Variants in PEX5L observed in about 807,000 individuals in gnomAD.
PEX5L encodes the protein PEX5-related protein.
PEX5L carries 30 observed loss-of-function variants against 84.0 expected under a neutral mutation model. The ratio of observed to expected loss-of-function variants is 0.36; its 90% CI spans 0.27 to 0.48. The LOEUF is 0.48. Ranked by LOEUF, PEX5L falls within the 20% of genes least tolerant of loss-of-function variation. The pLI is 0.99. For missense variants in PEX5L, 533 were observed against 754.6 expected, an observed-to-expected ratio of 0.71 and a Z score of 3.44; for synonymous variants, 270 against 283.1, an observed-to-expected ratio of 0.95 and a Z score of 0.46.
chr3:179,902,753 C>A, intron 2 of PEX5L: 1 of 422,918 alleles, frequency 2.4e-6, no homozygotes, highest in Non-Finnish European at 4.7e-6. Flanking sequence ...GATTCTATTA[C>A]TGCTACCAAG....
intron 1 of PEX5L, among the ~76,000 whole-genome samples, chr3:180,026,031 T>C (rs775214096): frequency 2.6e-5 from 4 of 152,116 alleles, no homozygotes; most frequent in Non-Finnish European, 5.9e-5. Context: ...GGGGCTGTTA[T>C]GCTGGAGCAG....
intron 5 of PEX5L, among the ~76,000 whole-genome samples, chr3:179,879,706 T>G (rs1753583467): frequency 6.6e-6 from 1 of 152,160 alleles, no homozygotes; most frequent in South Asian, 2.1e-4. Context: ...AACTCAATAT[T>G]TGTGGGTCGA....
intron 1 of PEX5L, among the ~76,000 whole-genome samples, chr3:180,006,290 T>C (rs1236259288): frequency 1.3e-5 from 2 of 152,198 alleles, no homozygotes; most frequent in Non-Finnish European, 2.9e-5. Flanking sequence ...TTCTTTATTA[T>C]TATTTTTTTT....
At chr3:179,835,529 A>G (rs1034355720) in intron 8 of PEX5L, among the ~76,000 whole-genome samples, 1 of 152,164 alleles carries the variant, frequency 6.6e-6, no homozygotes, top group Non-Finnish European at 1.5e-5. Flanking sequence ...TTTCTCTGGG[A>G]GGCAGAGCTT....
At chr3:179,963,135 C>G (rs1782479944) in intron 2 of PEX5L, among the ~76,000 whole-genome samples, 1 of 152,120 alleles carries the variant, frequency 6.6e-6, no homozygotes, top group Non-Finnish European at 1.5e-5. Context: ...TAACTGAGCC[C>G]TGTGAGTTAG....
chr3:179,984,683 A>T (rs1054491502), intron 1 of PEX5L, among the ~76,000 whole-genome samples: 1 of 152,186 alleles, frequency 6.6e-6, no homozygotes, highest in Non-Finnish European at 1.5e-5. Flanking sequence ...TTATAAAGTC[A>T]ATTTGTCTTT....
chr3:180,009,166 TGAGA>T (rs1182685890), intron 1 of PEX5L, among the ~76,000 whole-genome samples: 1 of 152,214 alleles, frequency 6.6e-6, no homozygotes, highest in African/African-American at 2.4e-5. Context: ...GTTACAAAAT[TGAGA>T]GAGTCTGCAT....
intron 8 of PEX5L, among the ~76,000 whole-genome samples, chr3:179,844,670 T>C (rs1044539968): frequency 1.3e-4 from 20 of 151,790 alleles, no homozygotes; most frequent in Non-Finnish European, 2.5e-4. Context: ...CTACTAAAAA[T>C]ACAAAAAAAA....
At chr3:179,886,954 A>G (rs1158189205) in intron 4 of PEX5L, among the ~76,000 whole-genome samples, 1 of 152,178 alleles carries the variant, frequency 6.6e-6, no homozygotes, top group Non-Finnish European at 1.5e-5. Context: ...TTCTTATTTG[A>G]ATGACATGAC....
intron 1 of PEX5L, among the ~76,000 whole-genome samples, chr3:180,029,395 ATAAATAAAACTATGTATTTATTTATTTG>A (rs1317062097): frequency 1.3e-5 from 2 of 152,164 alleles, no homozygotes; most frequent in East Asian, 1.9e-4. Context: ...TAAATTAGAA[ATAAATAAAACTATGTATTTATTTATTTG>A]TAAATAAAAC....
intron 5 of PEX5L, among the ~76,000 whole-genome samples, chr3:179,875,885 G>A (rs1405493122): frequency 6.6e-6 from 1 of 152,154 alleles, no homozygotes; most frequent in Non-Finnish European, 1.5e-5. Flanking sequence ...TGGGGGCTTG[G>A]GGGCTTTGCT....
chr3:180,022,116 A>T (rs1308666540), intron 1 of PEX5L, among the ~76,000 whole-genome samples: 3 of 152,212 alleles, frequency 2.0e-5, no homozygotes, highest in Non-Finnish European at 4.4e-5. Flanking sequence ...GAAAGAAAAC[A>T]TGATTTTTAT....
At chr3:179,806,113 T>G (rs1286582255) in intron 14 of PEX5L, among the ~76,000 whole-genome samples, 1 of 151,402 alleles carries the variant, frequency 6.6e-6, no homozygotes, top group Non-Finnish European at 1.5e-5. Context: ...TTGTTTTACA[T>G]CTCCCTTGTT....
intron 14 of PEX5L, among the ~76,000 whole-genome samples, chr3:179,803,121 C>T (rs1207720357): frequency 1.3e-5 from 2 of 152,148 alleles, no homozygotes; most frequent in Admixed American, 1.3e-4. Context: ...TTTCCAGAGA[C>T]TACATGGTGC....
At chr3:179,866,746 C>T (rs573481858) in intron 7 of PEX5L, among the ~76,000 whole-genome samples, 60 of 152,050 alleles carry the variant, frequency 3.9e-4, no homozygotes, top group African/African-American at 1.2e-3. Flanking sequence ...TACACACGGC[C>T]GGGCACGGTG....
intron 2 of PEX5L, among the ~76,000 whole-genome samples, chr3:179,906,710 G>A (rs2109117776): frequency 6.6e-6 from 1 of 151,994 alleles, no homozygotes; most frequent in African/African-American, 2.4e-5. Flanking sequence ...TTGCAAACAG[G>A]CATTTTTTTT....
intron 8 of PEX5L, among the ~76,000 whole-genome samples, chr3:179,848,968 C>T (rs1056432664): frequency 1.3e-5 from 2 of 152,152 alleles, no homozygotes; most frequent in African/African-American, 2.4e-5. Context: ...GAGGATGACA[C>T]CCTTGGGGAT....
intron 1 of PEX5L, among the ~76,000 whole-genome samples, chr3:179,998,621 T>G (rs57943546): frequency 0.17 from 25,578 of 152,154 alleles, 2,971 homozygotes; most frequent in African/African-American, 0.33. Flanking sequence ...TTGACAATGG[T>G]TCATCAAGTC....
chr3:180,035,188 A>G (rs1303582611), intron 1 of PEX5L, among the ~76,000 whole-genome samples: 1 of 152,194 alleles, frequency 6.6e-6, no homozygotes, highest in African/African-American at 2.4e-5. Context: ...GATAATATAT[A>G]AAATTGTAAG....
Sources: allele counts gnomAD v4.1 joint callset (sites outside exome capture counted in the v4.1 genomes callset), GRCh38; gene constraint gnomAD v4.1.1; transcripts MANE v1.5; gene names NCBI Gene and HGNC (gene_info 2026-07-23, HGNC 2026-07-21).